Variants in DPF3 observed in about 807,000 individuals in gnomAD.
DPF3 encodes zinc finger protein DPF3.
Under a neutral mutation model 56.8 loss-of-function variants are expected in DPF3, and 18 were observed. The observed-to-expected ratio is 0.32, with a 90% confidence interval of 0.22 to 0.47. DPF3 has a LOEUF of 0.47. DPF3 is among the 20% of genes least tolerant of loss of function. The pLI is 1.00. For missense variants in DPF3, 403 were observed against 488.8 expected (o/e 0.82, Z 1.65); for synonymous variants, 188 against 180.2 (o/e 1.04, Z -0.35).
chr14:72,817,589 G>A (rs1291516143), intron 1 of DPF3, among the ~76,000 whole-genome samples: 1 of 152,108 alleles, frequency 6.6e-6, no homozygotes, highest in Non-Finnish European at 1.5e-5. Flanking sequence ...CAGGAGAATT[G>A]CTTGAACCCA....
intron 1 of DPF3, among the ~76,000 whole-genome samples, chr14:72,833,348 G>T (rs1353153350): frequency 6.6e-6 from 1 of 152,226 alleles, no homozygotes; most frequent in Non-Finnish European, 1.5e-5. Context: ...GGGAATCCGG[G>T]AGGAGGCGAA....
intron 8 of DPF3, among the ~76,000 whole-genome samples, chr14:72,634,374 A>G (rs909546055): frequency 1.2e-4 from 19 of 152,216 alleles, no homozygotes; most frequent in African/African-American, 4.3e-4. Context: ...TACCTGCCAC[A>G]AAAATTACTT....
At chr14:72,623,148 CAA>C (rs753670340) in intron 9 of DPF3, among the ~76,000 whole-genome samples, 12 of 152,114 alleles carry the variant, frequency 7.9e-5, no homozygotes, top group Non-Finnish European at 1.3e-4. Context: ...AATGGAAAGA[CAA>C]ATCATATTTT....
At chr14:72,765,711 G>A (rs1478528555) in intron 2 of DPF3, among the ~76,000 whole-genome samples, 1 of 152,226 alleles carries the variant, frequency 6.6e-6, no homozygotes, top group Non-Finnish European at 1.5e-5. Context: ...ACTTTGGGAG[G>A]CCGAGGCGGG....
chr14:72,886,927 C>A (rs1886569346), intron 1 of DPF3, among the ~76,000 whole-genome samples: 1 of 152,100 alleles, frequency 6.6e-6, no homozygotes, highest in Non-Finnish European at 1.5e-5. Context: ...AGCAGTAACA[C>A]AGGTATGCTA....
At chr14:72,854,872 C>T (rs939277944) in intron 1 of DPF3, among the ~76,000 whole-genome samples, 2 of 152,184 alleles carry the variant, frequency 1.3e-5, no homozygotes, top group Non-Finnish European at 2.9e-5. Flanking sequence ...CCCAAATTTG[C>T]GACAAACCAG....
At chr14:72,632,244 A>C (rs756313930) in intron 8 of DPF3, among the ~76,000 whole-genome samples, 4 of 152,182 alleles carry the variant, frequency 2.6e-5, no homozygotes, top group Non-Finnish European at 5.9e-5. Context: ...CTGTATCTTG[A>C]TTGTGGTGGT....
intron 1 of DPF3, among the ~76,000 whole-genome samples, chr14:72,790,484 T>G (rs1892384567): frequency 6.6e-6 from 1 of 152,188 alleles, no homozygotes; most frequent in Non-Finnish European, 1.5e-5. Flanking sequence ...TTATGCAAAC[T>G]CATCTATCTG....
chr14:72,749,865 AAAAG>A (rs1401618519), intron 3 of DPF3, among the ~76,000 whole-genome samples: 1,133 of 85,004 alleles, frequency 0.013, 17 homozygotes, highest in African/African-American at 0.048. Flanking sequence ...AAAAGAAAAG[AAAAG>A]AAAAAAAAGT....
chr14:72,723,680 C>A lies in DPF3; in HGVS notation c.478G>T (p.Asp160Tyr). 2 of 1,589,918 alleles carry A rather than the reference C, an allele frequency of 1.3e-6. No individual in the cohort carries two copies. Among genetic ancestry groups the A allele is most frequent in the Non-Finnish European group, 1.7e-6 (2 of 1,172,282 alleles). ...ENVEEGNEEE[D>Y]LEEDIPKRKN... ...CGCTTGGGAATATCCTCTTCCAAAT[C>A]CTCTTCTTCATTCCCTTCTTCTACA... Residue 160 changes from aspartate (D) to tyrosine (Y), a missense_variant, in exon 5 of 11, where the codon GAT becomes TAT. By Grantham distance (160) the Asp-to-Tyr change is radical (BLOSUM62 -3). Coordinates refer to ENST00000556509, the MANE Select transcript of DPF3 (RefSeq NM_001280542.3).
intron 8 of DPF3, among the ~76,000 whole-genome samples, chr14:72,645,055 T>G (rs919367656): frequency 1.3e-5 from 2 of 152,218 alleles, no homozygotes; most frequent in African/African-American, 2.4e-5. Context: ...CAACTTGCCA[T>G]CCCTGAGCTA....
At chr14:72,863,725 T>C (rs1885547623) in intron 1 of DPF3, among the ~76,000 whole-genome samples, 2 of 152,176 alleles carry the variant, frequency 1.3e-5, no homozygotes, top group Admixed American at 1.3e-4. Context: ...TAGCTAAGGC[T>C]CAATTCCTTT....
At chr14:72,634,845 C>A (rs1211604585) in intron 8 of DPF3, among the ~76,000 whole-genome samples, 1 of 152,032 alleles carries the variant, frequency 6.6e-6, no homozygotes, top group African/African-American at 2.4e-5. Context: ...CCCAGGCCCC[C>A]CTGGGTGCCA....
rs58405648 is a variant in DPF3, at chr14:72,863,058, T to TTATATATATATATATATATA, written c.32+30979_32+30998dup. Among the ~76,000 whole-genome samples, 12 of 139,906 alleles carry TTATATATATATATATATATA rather than the reference T, an allele frequency of 8.6e-5. No homozygotes were observed. The South Asian group carries it at 9.7e-4, about 11-fold the overall frequency. The allele number at this position is 139,906 out of a possible 152,430, so 91.8% of individuals were successfully genotyped here. A position where few individuals can be genotyped will look rare whatever the true frequency, so the allele number is the denominator to read the frequency against. On this transcript the variant is annotated intron_variant, in intron 1 of 10. Transcript: ENST00000556509. The stretch of plus-strand genomic sequence containing the variant: ...TCTCCTTCCAGATATATTATTCCAT[T>TTATATATATATATATATATA]TATATATATATATATATATATATAT...
intron 6 of DPF3, among the ~76,000 whole-genome samples, chr14:72,710,808 C>T (rs551844244): frequency 1.3e-5 from 2 of 152,340 alleles, no homozygotes; most frequent in African/African-American, 4.8e-5. Context: ...AACTTTAACC[C>T]TTAAGCTTGG....
At chr14:72,762,962 T>C (rs1273431181) in intron 2 of DPF3, among the ~76,000 whole-genome samples, 2 of 151,856 alleles carry the variant, frequency 1.3e-5, no homozygotes, top group Admixed American at 1.3e-4. Context: ...TTTCTATATA[T>C]TAGCAAACAT....
chr14:72,805,761 G>C (rs146344464), intron 1 of DPF3, among the ~76,000 whole-genome samples: 6 of 152,150 alleles, frequency 3.9e-5, no homozygotes, highest in Admixed American at 1.3e-4. Context: ...TATTAGAATC[G>C]CTTGAACCTG....
chr14:72,875,725 G>A (rs1022867172), intron 1 of DPF3, among the ~76,000 whole-genome samples: 2 of 152,100 alleles, frequency 1.3e-5, no homozygotes, highest in Non-Finnish European at 2.9e-5. Flanking sequence ...AAGGACTTGT[G>A]TAACCCCCAG....
At chr14:72,754,230 G>A (rs964129054) in intron 2 of DPF3, among the ~76,000 whole-genome samples, 22 of 152,302 alleles carry the variant, frequency 1.4e-4, no homozygotes, top group African/African-American at 3.4e-4. Flanking sequence ...GAAATGGGGC[G>A]GGGAAGAGGC....
Sources: allele counts gnomAD v4.1 joint callset (sites outside exome capture counted in the v4.1 genomes callset), GRCh38; gene constraint gnomAD v4.1.1; transcripts MANE v1.5; gene names NCBI Gene and HGNC (gene_info 2026-07-23, HGNC 2026-07-21).